The following TAB3 variants were observed in gnomAD, a reference collection of about 807,000 sequenced individuals.
TAB3 encodes TGF-beta activated kinase 1 (MAP3K7) binding protein 3.
A neutral mutation model predicts 48.1 loss-of-function variants in TAB3; 18 were observed. The observed-to-expected ratio is 0.37, with a 90% CI of 0.26 to 0.55. The LOEUF (loss-of-function observed/expected upper bound fraction) is 0.55. TAB3 is among the 20% of genes least tolerant of loss of function. The probability of loss-of-function intolerance (pLI) is 0.78; values close to 1 mark genes in which losing one functional copy is unlikely to be tolerated. For synonymous variants in TAB3, 185 were observed against 190.2 expected (o/e 0.97, Z 0.22); for missense variants, 414 against 549.8 (o/e 0.75, Z 2.47).
intron 9 of TAB3, among the ~76,000 whole-genome samples, chrX:30,839,674 G>A (rs1158221658): frequency 1.8e-5 from 2 of 109,315 alleles, no homozygotes; most frequent in African/African-American, 6.7e-5. Context: ...TGGGGCAGGA[G>A]GTATATGGAA....
intron 5 of TAB3, among the ~76,000 whole-genome samples, chrX:30,859,147 A>G (rs982544853): frequency 9.0e-6 from 1 of 111,612 alleles, no homozygotes; most frequent in South Asian, 3.7e-4. Context: ...GTGGTTCTCA[A>G]TGGTGGGAGA....
At chrX:30,870,433 C>T (rs997383947) in intron 2 of TAB3, among the ~76,000 whole-genome samples, 3 of 111,239 alleles carry the variant, frequency 2.7e-5, no homozygotes, top group African/African-American at 9.8e-5. Flanking sequence ...CTAAGCTTGG[C>T]GATACAGAAG....
chrX:30,847,885 C>G (rs1320718793), intron 7 of TAB3, among the ~76,000 whole-genome samples: 1 of 111,743 alleles, frequency 8.9e-6, no homozygotes, highest in South Asian at 3.7e-4. Flanking sequence ...GCTAGAGGAA[C>G]AAAAAAAGTC....
chrX:30,856,423 A>C (rs1256897319), intron 5 of TAB3, among the ~76,000 whole-genome samples: 2 of 112,216 alleles, frequency 1.8e-5, no homozygotes, highest in African/African-American at 6.5e-5. Context: ...TCCAACTGAC[A>C]GTAATCAGAC....
chrX:30,842,939 C>T (rs373923149), intron 9 of TAB3, 27 bp downstream of exon 9: 22 of 957,116 alleles, frequency 2.3e-5, no homozygotes, highest in Middle Eastern at 3.4e-4. Context: ...TTATTTCTAT[C>T]GTATTTGTGA....
intron 10 of TAB3, among the ~76,000 whole-genome samples, chrX:30,833,814 G>A (rs896282648): frequency 1.2e-5 from 1 of 82,156 alleles, no homozygotes; most frequent in African/African-American, 5.0e-5. Context: ...CTGGCCTAAA[G>A]AGCGAGACTC....
At chrX:30,863,923 C>T (rs779525699) in intron 4 of TAB3, among the ~76,000 whole-genome samples, 1 of 112,221 alleles carries the variant, frequency 8.9e-6, no homozygotes, top group Non-Finnish European at 1.9e-5. Flanking sequence ...ATAGATGTGG[C>T]TACCATGCAG....
intron 9 of TAB3, 116 bp from the exon 10 acceptor site, chrX:30,834,268 ATTAC>A (rs1938120426): frequency 3.4e-6 from 2 of 583,491 alleles, no homozygotes; most frequent in Admixed American, 6.2e-5. Flanking sequence ...TACCCTACCT[ATTAC>A]TTCATGTTAC....
At chrX:30,831,791 A>C (rs1938039823) in intron 10 of TAB3, among the ~76,000 whole-genome samples, 2 of 112,335 alleles carry the variant, frequency 1.8e-5, no homozygotes, top group Non-Finnish European at 3.8e-5. Flanking sequence ...TTCTGCTATA[A>C]GAAGATGGAT....
At chrX:30,845,790 G>C in intron 8 of TAB3, 1 of 214,072 alleles carries the variant, frequency 4.7e-6, no homozygotes, top group East Asian at 1.9e-4. Context: ...GGCTTTCATA[G>C]AAAGAGCGGC....
chrX:30,873,512 G>C (rs1268679476), intron 1 of TAB3, among the ~76,000 whole-genome samples: 1 of 98,704 alleles, frequency 1.0e-5, no homozygotes, highest in Non-Finnish European at 2.0e-5. Flanking sequence ...GCGACAGAAC[G>C]AGACTCCGTC....
intron 10 of TAB3, among the ~76,000 whole-genome samples, chrX:30,833,817 C>T (rs374867058): frequency 3.0e-4 from 24 of 80,675 alleles, no homozygotes; most frequent in African/African-American, 1.0e-3. Context: ...GCCTAAAGAG[C>T]GAGACTCCGT....
rs371775792 is a variant in TAB3 at position 30,854,903 on chromosome X, T to C, written c.762A>G (p.Pro254=). 2 of 1,207,665 alleles carry C rather than the reference T, an allele frequency of 1.7e-6. No individual in the cohort carries two copies. The highest frequency in any genetic ancestry group is 3.5e-5 in the African/African-American group (2 of 56,897). The change falls in exon 6 of 11, where the codon CCA becomes CCG. Residue 254 remains proline, a synonymous_variant. Transcript: ENST00000288422. ...TPQSTPWQSS[P]QGPVPHYSQR... is the part of the protein sequence containing the mutation. The stretch of plus-strand genomic sequence containing the variant: ...GGCTATAGTGAGGCACTGGGCCCTG[T>C]GGTGAGGACTGCCACGGCGTACTCT...
intron 2 of TAB3, 116 bp downstream of exon 2, chrX:30,871,578 CTTTTA>C (rs1482771694): frequency 1.8e-5 from 2 of 111,945 alleles, no homozygotes; most frequent in Non-Finnish European, 3.8e-5. Flanking sequence ...ACTTGGACAT[CTTTTA>C]TTTTGTCATC....
chrX:30,833,672 A>C (rs1456965554), intron 10 of TAB3, among the ~76,000 whole-genome samples: 2 of 109,341 alleles, frequency 1.8e-5, no homozygotes, highest in Non-Finnish European at 3.8e-5. Flanking sequence ...TCTACTAAAA[A>C]CACAAAAAAT....
At chrX:30,873,310 G>A (rs1207607236) in intron 1 of TAB3, among the ~76,000 whole-genome samples, 11 of 109,615 alleles carry the variant, frequency 1.0e-4, no homozygotes, top group African/African-American at 3.0e-4. Context: ...GGCCGAGGCG[G>A]GCGGATCACG....
At chrX:30,851,412 T>C (rs1173786803) in intron 7 of TAB3, among the ~76,000 whole-genome samples, 1 of 111,855 alleles carries the variant, frequency 8.9e-6, no homozygotes, top group Non-Finnish European at 1.9e-5. Context: ...TCACTCTCCA[T>C]CTTGACTTCA....
rs183165030 is a variant in TAB3 at position 30,829,899 on chromosome X, C to T, written c.*1528G>A. On this transcript the variant is annotated 3_prime_UTR_variant, in exon 11 of 11. Transcript: ENST00000288422. ...CTGATGGGAGCGTCTATGGATATTC[C>T]TAAGACGATATCCTCAGGTAAAATC... 2 of 109,971 alleles carry T rather than the reference C, an allele frequency of 1.8e-5. No homozygotes were observed. The highest frequency in any genetic ancestry group is 3.8e-5 in the Non-Finnish European group (2 of 52,759). The allele number at this position is 109,971 out of a possible 1,213,427, so 9.1% of individuals were successfully genotyped here. A position where few individuals can be genotyped will look rare whatever the true frequency, so the allele number is the denominator to read the frequency against.
chrX:30,866,127 G>A (rs1461653205), intron 4 of TAB3, among the ~76,000 whole-genome samples: 1 of 111,442 alleles, frequency 9.0e-6, no homozygotes, highest in Non-Finnish European at 1.9e-5. Context: ...GATATACTAT[G>A]AGACTGAAAT....
Sources: allele counts gnomAD v4.1 joint callset (sites outside exome capture counted in the v4.1 genomes callset), GRCh38; gene constraint gnomAD v4.1.1; transcripts MANE v1.5; gene names NCBI Gene and HGNC (gene_info 2026-07-23, HGNC 2026-07-21).